The following SSBP2 variants were observed in gnomAD, a reference collection of about 807,000 sequenced individuals.
SSBP2 encodes the protein single stranded DNA binding protein 2.
SSBP2 carries 17 observed loss-of-function variants against 61.8 expected under a neutral mutation model. The ratio of observed to expected loss-of-function variants is 0.28; its 90% confidence interval spans 0.19 to 0.41. The LOEUF is 0.41. SSBP2 is among the 10% of genes least tolerant of loss of function. The pLI is 1.00. For missense variants in SSBP2, 310 were observed against 458.7 expected (o/e 0.68, Z 2.96); for synonymous variants, 139 against 141.3 (o/e 0.98, Z 0.12).
intron 10 of SSBP2, 51 bp downstream of exon 10, chr5:81,461,004 T>A: frequency 8.7e-7 from 1 of 1,152,142 alleles, no homozygotes; most frequent in Non-Finnish European, 1.1e-6. Context: ...GTGATTTTTG[T>A]TAAATGTTAC....
intron 1 of SSBP2, among the ~76,000 whole-genome samples, chr5:81,704,616 C>T (rs565195883): frequency 1.3e-5 from 2 of 151,830 alleles, no homozygotes; most frequent in South Asian, 2.1e-4. Flanking sequence ...GCCAATATGG[C>T]GAAACCCCGT....
At position 81,461,068 on chromosome 5, in the gene SSBP2, G is replaced by T; in HGVS notation, c.674C>A (p.Thr225Lys). The T allele has an allele frequency of 6.3e-7, 1 of 1,575,560 alleles. No individual in the cohort carries two copies. The highest frequency in any genetic ancestry group is 8.6e-7 in the Non-Finnish European group (1 of 1,159,426). ...ATATATACTCACTGAATTGGCATTT[G>T]TTGGGTTTGGCCAAGGTCTACCACC... The change falls in exon 10 of 17, where the codon ACA becomes AAA. Residue 225 changes from threonine (T) to lysine (K), a missense_variant. Thr to Lys is a moderately conservative substitution (Grantham distance 78, BLOSUM62 -1). This residue lies in a region of SSBP2 where 209 missense variants were observed against 286.4 expected (regional missense o/e 0.73). Transcript: ENST00000320672.
intron 10 of SSBP2, among the ~76,000 whole-genome samples, chr5:81,453,194 A>G (rs1013798472): frequency 1.3e-5 from 2 of 151,948 alleles, no homozygotes; most frequent in Non-Finnish European, 2.9e-5. Context: ...GGTACTCAGG[A>G]GGCTGAGGTG....
chr5:81,611,953 T>C (rs114333589), intron 4 of SSBP2, among the ~76,000 whole-genome samples: 60 of 152,238 alleles, frequency 3.9e-4, no homozygotes, highest in South Asian at 1.0e-3. Context: ...CAATACTGTA[T>C]TGTGTACTTA....
chr5:81,681,099 G>A (rs1581329931), intron 1 of SSBP2, among the ~76,000 whole-genome samples: 1 of 152,012 alleles, frequency 6.6e-6, no homozygotes, highest in South Asian at 2.1e-4. Context: ...AATTAAACTA[G>A]AAATCAATAC....
At chr5:81,678,466 G>T (rs75515718) in intron 1 of SSBP2, among the ~76,000 whole-genome samples, 2,016 of 152,152 alleles carry the variant, frequency 0.013, 38 homozygotes, top group African/African-American at 0.046. Flanking sequence ...GAAAAAAGCA[G>T]TAGGAAAGGA....
chr5:81,606,428 A>G, intron 4 of SSBP2, among the ~76,000 whole-genome samples: 1 of 152,152 alleles, frequency 6.6e-6, no homozygotes. Flanking sequence ...GTTCTACCAG[A>G]CCTAGCAGTG....
At chr5:81,678,429 C>T (rs1260829491) in intron 1 of SSBP2, among the ~76,000 whole-genome samples, 1 of 151,638 alleles carries the variant, frequency 6.6e-6, no homozygotes, top group African/African-American at 2.4e-5. Flanking sequence ...TGTGGGACAA[C>T]TATAAAAATT....
Position 81,683,336 on chromosome 5 carries a change from T to C in SSBP2, c.63-32997A>G, listed in dbSNP as rs955061219. 1.5e-4 allele frequency among the ~76,000 whole-genome samples: 23 copies of C among 152,106 alleles called. 1 individual carries two copies. Among genetic ancestry groups the C allele is most frequent in the Admixed American group, 2.6e-4 (4 of 15,266 alleles). ...GCCCAGAAACAGACCCACATAAATA[T>C]AGTCAACTGATCTGTGACAAAGGAG... is the stretch of plus-strand genomic sequence containing the variant. On this transcript the variant is annotated intron_variant, in intron 1 of 16. Transcript: ENST00000320672.
At chr5:81,679,394 C>T (rs1031723404) in intron 1 of SSBP2, among the ~76,000 whole-genome samples, 5 of 152,062 alleles carry the variant, frequency 3.3e-5, no homozygotes, top group South Asian at 2.1e-4. Context: ...TGCTTATATA[C>T]GTATCCTTAT....
chr5:81,583,854 T>C (rs1266397886), intron 4 of SSBP2, among the ~76,000 whole-genome samples: 1 of 152,214 alleles, frequency 6.6e-6, no homozygotes, highest in Non-Finnish European at 1.5e-5. Context: ...CATCCATAAT[T>C]ATTTTCTAGC....
At chr5:81,447,895 A>C (rs547042409) in intron 11 of SSBP2, 84 of 152,254 alleles carry the variant, frequency 5.5e-4, no homozygotes, top group African/African-American at 2.0e-3. Context: ...AGACTTGCTT[A>C]GTTTTATAGC....
intron 1 of SSBP2, among the ~76,000 whole-genome samples, chr5:81,740,600 C>T (rs531441984): frequency 2.6e-4 from 40 of 152,270 alleles, no homozygotes; most frequent in African/African-American, 8.9e-4. Context: ...CCATACGCTG[C>T]TTGGAAGAGA....
At chr5:81,725,690 A>G (rs1755830390) in intron 1 of SSBP2, among the ~76,000 whole-genome samples, 1 of 152,218 alleles carries the variant, frequency 6.6e-6, no homozygotes, top group Admixed American at 6.5e-5. Flanking sequence ...AAACAGATAT[A>G]CAGAGATCCA....
At chr5:81,490,220 TTGTC>T (rs1257726493) in intron 5 of SSBP2, among the ~76,000 whole-genome samples, 2 of 152,078 alleles carry the variant, frequency 1.3e-5, no homozygotes, top group African/African-American at 4.8e-5. Context: ...AGTCTGGAAA[TTGTC>T]TGAAAAGTAT....
At chr5:81,746,247 A>G (rs988472611) in intron 1 of SSBP2, among the ~76,000 whole-genome samples, 2 of 152,138 alleles carry the variant, frequency 1.3e-5, no homozygotes, top group African/African-American at 4.8e-5. Flanking sequence ...AATAACAGAA[A>G]AAGATCAATC....
intron 14 of SSBP2, chr5:81,437,760 C>G (rs1212295228): frequency 1.0e-5 from 2 of 190,888 alleles, no homozygotes; most frequent in Non-Finnish European, 2.1e-5. Flanking sequence ...TTTTATATAC[C>G]CTACCCAATT....
At chr5:81,637,547 G>A (rs1581223611) in intron 2 of SSBP2, among the ~76,000 whole-genome samples, 1 of 152,066 alleles carries the variant, frequency 6.6e-6, no homozygotes, top group South Asian at 2.1e-4. Flanking sequence ...AAGCAGAATG[G>A]GATATGGGCA....
intron 16 of SSBP2, among the ~76,000 whole-genome samples, chr5:81,421,471 G>A (rs368032351): frequency 3.0e-4 from 45 of 152,302 alleles, no homozygotes; most frequent in Middle Eastern, 6.8e-3. Context: ...GAGATTACAG[G>A]CGTGAGACCC....
Sources: allele counts gnomAD v4.1 joint callset (sites outside exome capture counted in the v4.1 genomes callset), GRCh38; gene constraint gnomAD v4.1.1; regional missense constraint gnomAD v4.1.1; transcripts MANE v1.5; gene names NCBI Gene and HGNC (gene_info 2026-07-23, HGNC 2026-07-21).